PVT1: variants seen among roughly 807,000 people sequenced by gnomAD.
PVT1 encodes the protein Pvt1 oncogene.
intron 4 of PVT1, among the ~76,000 whole-genome samples, chr8:128,019,027 G>A (rs1339628687): frequency 1.3e-5 from 2 of 152,202 alleles, no homozygotes; most frequent in African/African-American, 4.8e-5. Context: ...TGTCTAGCTG[G>A]TCTGGGCTGC....
At chr8:127,830,588 T>C (rs571387682) in intron 2 of PVT1, among the ~76,000 whole-genome samples, 3 of 152,222 alleles carry the variant, frequency 2.0e-5, no homozygotes, top group African/African-American at 7.2e-5. Context: ...GAATCAAGAA[T>C]GACTCCTACG....
chr8:128,056,598 G>C (rs567546730), intron 4 of PVT1, among the ~76,000 whole-genome samples: 2 of 152,208 alleles, frequency 1.3e-5, no homozygotes, highest in Admixed American at 1.3e-4. Flanking sequence ...TCTTCAGCTG[G>C]GTGTTGAACT....
chr8:127,804,211 G>A (rs867015017), intron 2 of PVT1, among the ~76,000 whole-genome samples: 2 of 152,124 alleles, frequency 1.3e-5, no homozygotes, highest in African/African-American at 4.8e-5. Context: ...ATGAGACCCT[G>A]TCTCTAAAAT....
intron 4 of PVT1, among the ~76,000 whole-genome samples, chr8:127,997,116 G>A (rs1011686817): frequency 1.1e-4 from 16 of 146,550 alleles, no homozygotes; most frequent in African/African-American, 5.1e-5. Context: ...GTACAATGGC[G>A]TGATCTCAGC....
chr8:128,079,793 C>T (rs1269254948), intron 5 of PVT1, among the ~76,000 whole-genome samples: 1 of 151,388 alleles, frequency 6.6e-6, no homozygotes, highest in Non-Finnish European at 1.5e-5. Context: ...GGTGTGATCT[C>T]GGCTCACTGC....
chr8:128,024,006 A>G (rs935574931), intron 4 of PVT1, among the ~76,000 whole-genome samples: 1 of 152,248 alleles, frequency 6.6e-6, no homozygotes, highest in African/African-American at 2.4e-5. Context: ...AAAACAGCTC[A>G]GAGACATCAA....
At chr8:127,896,198 A>G (rs1473082381) in intron 3 of PVT1, among the ~76,000 whole-genome samples, 1 of 152,110 alleles carries the variant, frequency 6.6e-6, no homozygotes, top group Non-Finnish European at 1.5e-5. Context: ...AGGGCTTACT[A>G]TGTCCTAGGC....
At chr8:127,892,849 A>G (rs909404755) in intron 3 of PVT1, among the ~76,000 whole-genome samples, 1 of 152,106 alleles carries the variant, frequency 6.6e-6, no homozygotes, top group African/African-American at 2.4e-5. Flanking sequence ...CAGTTGGGAA[A>G]GACAGAGGCA....
At chr8:128,018,051 G>A (rs938562896) in intron 4 of PVT1, among the ~76,000 whole-genome samples, 1 of 152,238 alleles carries the variant, frequency 6.6e-6, no homozygotes, top group African/African-American at 2.4e-5. Flanking sequence ...GCTGCAGTGT[G>A]TTTATAACCA....
At chr8:127,805,540 GTATGTACAGTGTTA>G (rs1814516972) in intron 2 of PVT1, among the ~76,000 whole-genome samples, 1 of 152,126 alleles carries the variant, frequency 6.6e-6, no homozygotes, top group Non-Finnish European at 1.5e-5. Context: ...TCATTAACAT[GTATGTACAGTGTTA>G]TATGCTCGCA....
chr8:127,889,203 C>T (rs1815568160), intron 2 of PVT1, among the ~76,000 whole-genome samples: 1 of 151,574 alleles, frequency 6.6e-6, no homozygotes. Flanking sequence ...GATCTTGGCT[C>T]ACTGCAACCT....
At chr8:128,033,012 C>A (rs1427581158) in intron 4 of PVT1, among the ~76,000 whole-genome samples, 3 of 152,074 alleles carry the variant, frequency 2.0e-5, no homozygotes, top group Non-Finnish European at 4.4e-5. Flanking sequence ...TGAAGAGTCA[C>A]CCTTCAGGTA....
intron 3 of PVT1, among the ~76,000 whole-genome samples, chr8:127,907,417 T>C (rs1395249606): frequency 6.6e-6 from 1 of 152,190 alleles, no homozygotes; most frequent in African/African-American, 2.4e-5. Flanking sequence ...TCTGGATCTT[T>C]ATGCCTGATG....
intron 2 of PVT1, among the ~76,000 whole-genome samples, chr8:127,796,477 T>G (rs370084434): frequency 8.6e-4 from 129 of 149,986 alleles, no homozygotes; most frequent in African/African-American, 3.1e-3. Context: ...TCTTTAGTTG[T>G]TTTTTTTTTC....
At chr8:127,925,185 GT>G (rs1816114485) in intron 3 of PVT1, among the ~76,000 whole-genome samples, 1 of 152,126 alleles carries the variant, frequency 6.6e-6, no homozygotes, top group South Asian at 2.1e-4. Context: ...GTTTATCTGT[GT>G]TGTAGCATAG....
intron 6 of PVT1, chr8:128,096,741 A>T (rs1250911254): frequency 6.6e-6 from 1 of 152,274 alleles, no homozygotes; most frequent in African/African-American, 2.4e-5. Flanking sequence ...AGCATATAGT[A>T]AACAACTTGT....
At chr8:127,923,359 A>G (rs1004795923) in intron 3 of PVT1, among the ~76,000 whole-genome samples, 5 of 152,250 alleles carry the variant, frequency 3.3e-5, no homozygotes, top group African/African-American at 1.2e-4. Flanking sequence ...CTGATAAATG[A>G]CAAAGCCAGA....
intron 4 of PVT1, among the ~76,000 whole-genome samples, chr8:127,994,283 C>G (rs1817078602): frequency 6.6e-6 from 1 of 152,278 alleles, no homozygotes; most frequent in East Asian, 1.9e-4. Flanking sequence ...GGGATCTCGC[C>G]TGGAAACACG....
intron 3 of PVT1, among the ~76,000 whole-genome samples, chr8:127,944,281 A>G (rs1472500974): frequency 3.9e-5 from 6 of 152,102 alleles, no homozygotes; most frequent in South Asian, 2.1e-4. Flanking sequence ...GCTTGATTGT[A>G]GAGAAGGGAA....
Sources: gnomAD v4.1 joint callset for allele counts (sites outside exome capture counted in the v4.1 genomes callset) on GRCh38, gnomAD v4.1.1 for gene constraint, MANE v1.5 for transcripts, NCBI Gene and HGNC (gene_info 2026-07-23, HGNC 2026-07-21) for gene names.